Variants in PATJ observed in about 807,000 individuals in gnomAD.
The protein encoded by PATJ is PATJ crumbs cell polarity complex component.
A neutral mutation model predicts 224.9 loss-of-function variants in PATJ; 190 were observed. The ratio of observed to expected loss-of-function variants is 0.84; its 90% CI spans 0.75 to 0.95. The LOEUF (loss-of-function observed/expected upper bound fraction) is 0.95, where lower values mean the gene tolerates loss of function less well. Ranked by LOEUF, PATJ falls within the 40% of genes least tolerant of loss-of-function variation. The probability of loss-of-function intolerance (pLI) is 0.00; values close to 1 mark genes in which losing one functional copy is unlikely to be tolerated. For synonymous variants in PATJ, 769 were observed against 820.3 expected, an observed-to-expected ratio of 0.94 and a Z score of 1.07; for missense variants, 2,121 against 2,270.3, an observed-to-expected ratio of 0.93 and a Z score of 1.34.
intron 30 of PATJ, among the ~76,000 whole-genome samples, chr1:62,045,988 CTCAGGAAT>C (rs1232827897): frequency 1.3e-5 from 2 of 152,010 alleles, no homozygotes; most frequent in Non-Finnish European, 2.9e-5. Flanking sequence ...AGTGCTTGAG[CTCAGGAAT>C]TCAAGACCAG....
intron 27 of PATJ, among the ~76,000 whole-genome samples, chr1:61,961,842 GC>G (rs1414627041): frequency 6.6e-6 from 1 of 151,990 alleles, no homozygotes; most frequent in Non-Finnish European, 1.5e-5. Context: ...GGTGGTGCAT[GC>G]CTGTGATCCC....
intron 17 of PATJ, among the ~76,000 whole-genome samples, chr1:61,853,071 A>T (rs1442752041): frequency 6.6e-6 from 1 of 152,106 alleles, no homozygotes; most frequent in East Asian, 1.9e-4. Flanking sequence ...GGTAGATTGG[A>T]TTTAGTGTTT....
intron 31 of PATJ, among the ~76,000 whole-genome samples, chr1:62,060,469 G>A (rs1201615319): frequency 6.6e-6 from 1 of 152,072 alleles, no homozygotes; most frequent in Non-Finnish European, 1.5e-5. Flanking sequence ...CAGGGCTCAA[G>A]CAATCCTCCT....
chr1:61,816,914 C>T (rs1656219392), intron 14 of PATJ, among the ~76,000 whole-genome samples: 1 of 152,290 alleles, frequency 6.6e-6, no homozygotes, highest in South Asian at 2.1e-4. Context: ...CTTGCTGATA[C>T]TCTGATTCTG....
chr1:61,898,778 C>T (rs1238347667), intron 22 of PATJ, among the ~76,000 whole-genome samples: 2 of 152,242 alleles, frequency 1.3e-5, no homozygotes, highest in South Asian at 4.1e-4. Flanking sequence ...TTTACGTTAT[C>T]CAGTTCAGCA....
intron 26 of PATJ, among the ~76,000 whole-genome samples, chr1:61,917,441 A>G (rs765151787): frequency 1.3e-5 from 2 of 152,204 alleles, no homozygotes; most frequent in African/African-American, 2.4e-5. Flanking sequence ...TTAATCAGAT[A>G]TATTACTAAT....
intron 18 of PATJ, among the ~76,000 whole-genome samples, chr1:61,859,256 G>A (rs527820530): frequency 3.0e-4 from 45 of 152,076 alleles, no homozygotes; most frequent in Non-Finnish European, 5.9e-4. Flanking sequence ...TGCTATTTCT[G>A]GTGGAAGGAC....
intron 19 of PATJ, among the ~76,000 whole-genome samples, chr1:61,863,429 T>A (rs1664942275): frequency 6.6e-6 from 1 of 152,174 alleles, no homozygotes; most frequent in Admixed American, 6.5e-5. Flanking sequence ...AATTTACTTC[T>A]TGGTAGTAAA....
intron 31 of PATJ, among the ~76,000 whole-genome samples, chr1:62,065,837 T>C (rs1211229451): frequency 6.6e-6 from 1 of 152,194 alleles, no homozygotes; most frequent in African/African-American, 2.4e-5. Flanking sequence ...GAACTCAGAC[T>C]TTCTCACACC....
intron 27 of PATJ, among the ~76,000 whole-genome samples, chr1:61,967,426 A>T (rs183807511): frequency 6.6e-6 from 1 of 152,218 alleles, no homozygotes; most frequent in African/African-American, 2.4e-5. Flanking sequence ...GAAGCATTCA[A>T]TGTCTGCTTT....
chr1:61,769,544 G>A (rs979272845), intron 5 of PATJ, 122 bp downstream of exon 5: 5 of 1,129,520 alleles, frequency 4.4e-6, no homozygotes, highest in African/African-American at 1.6e-5. Context: ...TTTTGCTTTC[G>A]TTTTTGCTAT....
At chr1:61,795,627 T>C (rs1049565735) in intron 10 of PATJ, 69 bp downstream of exon 10, 44 of 897,638 alleles carry the variant, frequency 4.9e-5, no homozygotes, top group Non-Finnish European at 8.0e-5. Context: ...TTATAATACA[T>C]GTGAGAGGGG....
intron 27 of PATJ, among the ~76,000 whole-genome samples, chr1:61,942,643 C>T (rs1677993368): frequency 6.6e-6 from 1 of 151,882 alleles, no homozygotes; most frequent in South Asian, 2.1e-4. Context: ...CTCTGCCTCC[C>T]GGGTTTAAGC....
At position 61,886,178 on chromosome 1, in the gene PATJ, T is replaced by TA. The variant is rs995660014; in HGVS notation, c.3131+1781dup. Among the ~76,000 whole-genome samples, 189 of 141,424 alleles carry TA rather than the reference T, an allele frequency of 1.3e-3. 1 individual carries two copies. Among genetic ancestry groups the TA allele is most frequent in the Middle Eastern group, 3.5e-3 (1 of 284 alleles). 92.8% of individuals were successfully genotyped at this position (141,424 alleles called of 152,430 possible). A position where few individuals can be genotyped will look rare whatever the true frequency, so the allele number is the denominator to read the frequency against. On this transcript the variant is annotated intron_variant, in intron 22 of 43. Transcript: ENST00000642238. ...TGTACCCTAAAACTTAAAGTATAAT[T>TA]AAAAAAAAAAAGATTGGAGTCCTGG...
chr1:62,113,925 C>A, intron 34 of PATJ, 128 bp from the exon 35 acceptor site: 1 of 839,764 alleles, frequency 1.2e-6, no homozygotes, highest in Non-Finnish European at 1.9e-6. Flanking sequence ...TGGTCACTAC[C>A]TGTTTGCCTT....
At chr1:61,769,857 T>G (rs1646500813) in intron 5 of PATJ, among the ~76,000 whole-genome samples, 1 of 152,222 alleles carries the variant, frequency 6.6e-6, no homozygotes. Flanking sequence ...TTCTTAAGAT[T>G]ATAACAACAT....
chr1:61,971,390 C>A (rs1480815721), intron 27 of PATJ, among the ~76,000 whole-genome samples: 1 of 152,198 alleles, frequency 6.6e-6, no homozygotes, highest in Non-Finnish European at 1.5e-5. Context: ...TGGCTCACAT[C>A]TGTAGTCCCA....
At chr1:62,037,133 A>G (rs931064463) in intron 29 of PATJ, among the ~76,000 whole-genome samples, 19 of 152,194 alleles carry the variant, frequency 1.2e-4, no homozygotes, top group Non-Finnish European at 2.6e-4. Context: ...AGAACTTTAC[A>G]TATCAGCAGG....
At chr1:61,850,458 A>G (rs1662636660) in intron 17 of PATJ, among the ~76,000 whole-genome samples, 2 of 152,248 alleles carry the variant, frequency 1.3e-5, no homozygotes, top group Non-Finnish European at 2.9e-5. Context: ...TTTTACCTGT[A>G]CATGCAGGCA....
Sources: gnomAD v4.1 joint callset for allele counts (sites outside exome capture counted in the v4.1 genomes callset) on GRCh38, gnomAD v4.1.1 for gene constraint, MANE v1.5 for transcripts, NCBI Gene and HGNC (gene_info 2026-07-23, HGNC 2026-07-21) for gene names.